IMMP2L: variants seen among roughly 807,000 people sequenced by gnomAD.
The protein encoded by IMMP2L is inner mitochondrial membrane peptidase subunit 2.
Under a neutral mutation model 19.3 loss-of-function variants are expected in IMMP2L, and 18 were observed. That is an observed-to-expected ratio of 0.93 (90% CI 0.64 to 1.38). The LOEUF (loss-of-function observed/expected upper bound fraction) is 1.38, where lower values mean the gene tolerates loss of function less well. IMMP2L is among the 40% of genes most tolerant of loss of function. IMMP2L has a pLI of 0.00. For synonymous variants in IMMP2L, 76 were observed against 73.0 expected (o/e 1.04, Z -0.21); for missense variants, 233 against 218.2 (o/e 1.07, Z -0.43).
chr7:110,975,420 T>C (rs1024722114), intron 3 of IMMP2L, among the ~76,000 whole-genome samples: 2 of 152,122 alleles, frequency 1.3e-5, no homozygotes, highest in African/African-American at 4.8e-5. Flanking sequence ...ACCTCCTGCC[T>C]GTTAACAAAG....
chr7:111,065,750 T>C (rs1015442260), intron 3 of IMMP2L, among the ~76,000 whole-genome samples: 3 of 152,202 alleles, frequency 2.0e-5, no homozygotes, highest in African/African-American at 7.2e-5. Context: ...GACTCCAAGT[T>C]CTTCAGCTTT....
chr7:110,817,546 T>C lies in IMMP2L; in HGVS notation c.408+69047A>G, dbSNP rs141301604. On this transcript the variant is annotated intron_variant, in intron 5 of 5. Transcript: ENST00000405709. ...AAAATGGCCATACTGCCCAAGGTAA[T>C]TTATAGATTCCATGCCATCCCCGTC... Among the ~76,000 whole-genome samples, 196 of 152,178 alleles carry C rather than the reference T, an allele frequency of 1.3e-3. 1 individual carries two copies. The highest frequency in any genetic ancestry group is 4.4e-3 in the African/African-American group (182 of 41,518).
rs1586501009 is a variant in IMMP2L, at chr7:111,134,429, T to A, written c.240-170864A>T. ...TATTTTCTATAGTTTCTTATCATTGTGCCCTCCTAAGAAGCAAAGTTTTAT... is the reference window on the plus strand; with the variant it reads ...TATTTTCTATAGTTTCTTATCATTGAGCCCTCCTAAGAAGCAAAGTTTTAT... On this transcript the variant is annotated intron_variant, in intron 3 of 5. Transcript: ENST00000405709. 2.6e-5 allele frequency among the ~76,000 whole-genome samples: 4 copies of A among 152,168 alleles called. No individual in the cohort carries two copies. The East Asian group carries it at 7.7e-4, about 29-fold the overall frequency.
At chr7:111,257,582 T>C (rs1816848949) in intron 3 of IMMP2L, among the ~76,000 whole-genome samples, 1 of 152,146 alleles carries the variant, frequency 6.6e-6, no homozygotes, top group South Asian at 2.1e-4. Flanking sequence ...GTAGGGATTT[T>C]ACTCATGTGA....
chr7:111,082,842 T>C (rs1013938066), intron 3 of IMMP2L, among the ~76,000 whole-genome samples: 2 of 134,152 alleles, frequency 1.5e-5, no homozygotes, highest in East Asian at 2.1e-4. Context: ...GAAAGAAAGA[T>C]AAGCGATTTT....
intron 3 of IMMP2L, among the ~76,000 whole-genome samples, chr7:111,088,716 G>A (rs1257126488): frequency 1.3e-5 from 2 of 152,136 alleles, no homozygotes; most frequent in Admixed American, 6.5e-5. Context: ...ACAATGTAAC[G>A]TCTTCATATG....
At chr7:110,849,088 C>CA (rs1162806548) in intron 5 of IMMP2L, among the ~76,000 whole-genome samples, 1 of 152,024 alleles carries the variant, frequency 6.6e-6, no homozygotes, top group African/African-American at 2.4e-5. Flanking sequence ...AATGATGTGT[C>CA]AATGTATGCT....
intron 3 of IMMP2L, among the ~76,000 whole-genome samples, chr7:111,056,360 T>C (rs1793509390): frequency 6.6e-6 from 1 of 152,212 alleles, no homozygotes; most frequent in South Asian, 2.1e-4. Flanking sequence ...AAGCCTGAGA[T>C]GTAAAACCAG....
At chr7:111,552,639 G>A (rs543634783) in intron 1 of IMMP2L, among the ~76,000 whole-genome samples, 4 of 152,232 alleles carry the variant, frequency 2.6e-5, no homozygotes, top group African/African-American at 7.2e-5. Flanking sequence ...TCACATAAAT[G>A]CTTACAATGA....
At chr7:110,961,684 G>A (rs1818957292) in intron 4 of IMMP2L, among the ~76,000 whole-genome samples, 1 of 151,272 alleles carries the variant, frequency 6.6e-6, no homozygotes, top group African/African-American at 2.4e-5. Flanking sequence ...AGTTGTGAAT[G>A]GATAAACAAA....
chr7:110,994,031 A>C (rs1822768132), intron 3 of IMMP2L, among the ~76,000 whole-genome samples: 1 of 151,166 alleles, frequency 6.6e-6, no homozygotes, highest in Non-Finnish European at 1.5e-5. Flanking sequence ...AAAAGGCTCT[A>C]TTTGTCCCTC....
At chr7:111,397,043 G>A (rs538323787) in intron 3 of IMMP2L, among the ~76,000 whole-genome samples, 45 of 151,774 alleles carry the variant, frequency 3.0e-4, no homozygotes, top group South Asian at 1.3e-3. Context: ...AGCTGAGATC[G>A]CGCCACTGCA....
At chr7:111,047,175 GT>G (rs139873770) in intron 3 of IMMP2L, among the ~76,000 whole-genome samples, 115,399 of 146,744 alleles carry the variant, frequency 0.79, 47,090 homozygotes, top group Non-Finnish European at 0.9. Context: ...TGTCTTTTTT[GT>G]TTTTTTTTTG....
chr7:111,116,633 C>G (rs1339020005), intron 3 of IMMP2L, among the ~76,000 whole-genome samples: 3 of 152,170 alleles, frequency 2.0e-5, no homozygotes, highest in East Asian at 1.9e-4. Context: ...TTGTGAGAAA[C>G]TAAGATTCAG....
At chr7:111,005,687 T>G (rs551114005) in intron 3 of IMMP2L, among the ~76,000 whole-genome samples, 1 of 152,344 alleles carries the variant, frequency 6.6e-6, no homozygotes, top group African/African-American at 2.4e-5. Context: ...TAGTCTCCTA[T>G]AATTGAACAG....
At chr7:111,095,961 A>G (rs1797354500) in intron 3 of IMMP2L, among the ~76,000 whole-genome samples, 1 of 151,948 alleles carries the variant, frequency 6.6e-6, no homozygotes, top group East Asian at 1.9e-4. Flanking sequence ...CCAGTAGGCA[A>G]TGATATCTCC....
chr7:111,309,088 T>C (rs1052919965), intron 3 of IMMP2L, among the ~76,000 whole-genome samples: 8 of 152,188 alleles, frequency 5.3e-5, no homozygotes, highest in African/African-American at 1.9e-4. Flanking sequence ...AACACAATAA[T>C]TTTTCAAATG....
chr7:111,265,224 A>G (rs1817703268), intron 3 of IMMP2L, among the ~76,000 whole-genome samples: 1 of 152,126 alleles, frequency 6.6e-6, no homozygotes, highest in South Asian at 2.1e-4. Flanking sequence ...ATTCTCTCCA[A>G]CTGTCTCTGA....
At chr7:110,857,831 A>G (rs1806960817) in intron 5 of IMMP2L, among the ~76,000 whole-genome samples, 1 of 152,046 alleles carries the variant, frequency 6.6e-6, no homozygotes, top group African/African-American at 2.4e-5. Flanking sequence ...TATTTTGATA[A>G]CTATCAGAAA....
Sources: allele counts gnomAD v4.1 joint callset (sites outside exome capture counted in the v4.1 genomes callset), GRCh38; gene constraint gnomAD v4.1.1; transcripts MANE v1.5; gene names NCBI Gene and HGNC (gene_info 2026-07-23, HGNC 2026-07-21).